The following MACF1 variants were observed in gnomAD, a reference collection of about 807,000 sequenced individuals.
MACF1 encodes microtubule actin crosslinking factor 1, also known as microtubule-actin cross-linking factor 1.
MACF1 carries 193 observed loss-of-function variants against 854.8 expected under a neutral mutation model. That is an observed-to-expected ratio of 0.23 (90% confidence interval 0.20 to 0.25). MACF1 has a LOEUF of 0.25. Ranked by LOEUF, MACF1 falls within the 10% of genes least tolerant of loss-of-function variation. The pLI, the probability that MACF1 is intolerant of heterozygous loss-of-function variation, is 1.00. For synonymous variants in MACF1, 3,185 were observed against 3,226.7 expected (o/e 0.99, Z 0.44); for missense variants, 7,722 against 8,929.1 (o/e 0.86, Z 5.45).
At chr1:39,476,325 C>G (rs12023494) in intron 97 of MACF1, among the ~76,000 whole-genome samples, 5,766 of 152,240 alleles carry the variant, frequency 0.038, 424 homozygotes, top group East Asian at 0.34. Context: ...AATCCCAGCA[C>G]TTTGGGAGGC....
Position 39,332,265 on chromosome 1 carries a change from G to A in MACF1, c.5677G>A (p.Ala1893Thr). The A allele has an allele frequency of 6.2e-7, 1 of 1,613,846 alleles. No homozygotes were observed. The highest frequency in any genetic ancestry group is 8.5e-7 in the Non-Finnish European group (1 of 1,180,016). ...RQHIKALFLP[A>T]TTEILSWKKA... ...GCATATTAAGGCTCTGTTTCTACCA[G>A]CAACCACAGAGATTTTGTCCTGGAA... The change falls in exon 37 of 101, where the codon GCA becomes ACA. Residue 1893 changes from alanine (A) to threonine (T), a missense_variant. Ala to Thr is a moderately conservative substitution (Grantham distance 58). Around this residue, in one of 15 missense-constraint regions of MACF1, gnomAD observed 1,531 missense variants for 1,601.6 expected, o/e 0.96. Transcript: ENST00000564288.
At chr1:39,229,365 T>A (rs1644753668) in intron 1 of MACF1, among the ~76,000 whole-genome samples, 3 of 152,072 alleles carry the variant, frequency 2.0e-5, no homozygotes, top group Admixed American at 6.5e-5. Flanking sequence ...TCAAAAAAAA[T>A]AAATAGATAA....
chr1:39,141,957 G>C (rs1245167530), intron 2 of MACF1, among the ~76,000 whole-genome samples: 1 of 152,166 alleles, frequency 6.6e-6, no homozygotes, highest in Non-Finnish European at 1.5e-5. Flanking sequence ...AGGTGCCTGT[G>C]CTCTCTGTTT....
intron 15 of MACF1, among the ~76,000 whole-genome samples, chr1:39,288,543 T>G (rs1299184124): frequency 6.6e-6 from 1 of 150,850 alleles, no homozygotes; most frequent in Non-Finnish European, 1.5e-5. Context: ...CTCACACCTG[T>G]AATCCTAGCA....
rs191110204 is a variant in MACF1, at chr1:39,407,614, G to C, written c.15817-14760G>C. Among the ~76,000 whole-genome samples, 52 of 152,298 alleles carry C rather than the reference G, an allele frequency of 3.4e-4. 1 individual carries two copies. The highest frequency in any genetic ancestry group is 1.2e-3 in the African/African-American group (50 of 41,564). ...AAATGAAGTGTAAAGCATTTTACCA[G>C]AGAAAGGTCTTTTAGTTGCCTAATT... is the stretch of plus-strand genomic sequence containing the variant. On this transcript the variant is annotated intron_variant, in intron 58 of 100. Coordinates refer to ENST00000564288, the MANE Select transcript of MACF1 (RefSeq NM_001394062.1).
chr1:39,123,392 G>C (rs948680992), intron 2 of MACF1, among the ~76,000 whole-genome samples: 1 of 151,368 alleles, frequency 6.6e-6, no homozygotes, highest in African/African-American at 2.4e-5. Context: ...ATTTTTAGTG[G>C]AGATGGGGTT....
chr1:39,387,069 G>A (rs1299814035), intron 57 of MACF1, 118 bp from the exon 58 acceptor site: 1 of 1,092,582 alleles, frequency 9.2e-7, no homozygotes, highest in East Asian at 2.4e-5. Context: ...CCTCTTTTTG[G>A]TAGGCCCTCA....
intron 2 of MACF1, among the ~76,000 whole-genome samples, chr1:39,166,970 T>C (rs1265829070): frequency 6.6e-6 from 1 of 151,856 alleles, no homozygotes; most frequent in African/African-American, 2.4e-5. Context: ...GGATGTTAAA[T>C]CTTTCTTTTT....
chr1:39,483,759 A>G (rs538682106), intron 99 of MACF1, among the ~76,000 whole-genome samples: 2 of 152,306 alleles, frequency 1.3e-5, no homozygotes, highest in African/African-American at 2.4e-5. Flanking sequence ...TGTGCTTCTC[A>G]TAGTTTATTT....
At chr1:39,112,174 C>T (rs1020985859) in intron 2 of MACF1, among the ~76,000 whole-genome samples, 2 of 151,366 alleles carry the variant, frequency 1.3e-5, no homozygotes, top group African/African-American at 4.9e-5. Flanking sequence ...GCAACCTCCA[C>T]CCCCTGGGTT....
At chr1:39,164,104 C>G (rs1010276855) in intron 2 of MACF1, among the ~76,000 whole-genome samples, 2 of 152,094 alleles carry the variant, frequency 1.3e-5, no homozygotes, top group Non-Finnish European at 2.9e-5. Context: ...TTATGGAATT[C>G]CATCAAATGG....
chr1:39,086,819 G>C (rs1232773749), intron 2 of MACF1, among the ~76,000 whole-genome samples: 1 of 152,190 alleles, frequency 6.6e-6, no homozygotes, highest in Non-Finnish European at 1.5e-5. Flanking sequence ...GCTGCGCTGT[G>C]CTGTGTTTCT....
chr1:39,309,677 A>G lies in MACF1; in HGVS notation c.2897A>G (p.Gln966Arg). The change falls in exon 24 of 101, where the codon CAG (glutamine) becomes CGG (arginine). Residue 966 changes from glutamine to arginine, a missense_variant. By Grantham distance (43) the Gln-to-Arg change is conservative. Around this residue, in one of 15 missense-constraint regions of MACF1, gnomAD observed 1,137 missense variants for 1,263.0 expected, o/e 0.90. Transcript: ENST00000564288. ...NYLRKDLDLV[Q>R]TWNLEKLRSS... ...CTGCGTAAAGACCTTGACCTTGTAC[A>G]GACCTGGAACCTAGAAAAGGTAATT... 6.2e-7 allele frequency: 1 copy of G among 1,613,590 alleles called. No homozygotes were observed. The highest frequency in any genetic ancestry group is 8.5e-7 in the Non-Finnish European group (1 of 1,179,814).
chr1:39,484,843 A>G, intron 100 of MACF1, 113 bp downstream of exon 100: 1 of 1,247,986 alleles, frequency 8.0e-7, no homozygotes, highest in Middle Eastern at 2.0e-4. Flanking sequence ...ACTTAGTGTG[A>G]TGCCCAGAAA....
At chr1:39,468,806 C>A in intron 96 of MACF1, 74 bp downstream of exon 96, 1 of 1,303,174 alleles carries the variant, frequency 7.7e-7, no homozygotes, top group Non-Finnish European at 1.1e-6. Flanking sequence ...TTACAGGAAG[C>A]ATTGATGGTG....
rs759439454 is a variant in MACF1, at chr1:39,336,462, A to T, written c.9874A>T (p.Ile3292Phe). The T allele has an allele frequency of 6.2e-7, 1 of 1,614,094 alleles. No individual in the cohort carries two copies. The highest frequency in any genetic ancestry group is 8.5e-7 in the Non-Finnish European group (1 of 1,180,022). ...GAATACAGGGCAACAGAATGCCATCATTAGTCCTACTGTTCTAGAGACCAG... is the reference window on the plus strand; with the variant it reads ...GAATACAGGGCAACAGAATGCCATCTTTAGTCCTACTGTTCTAGAGACCAG... ...KENTGQQNAI[I>F]SPTVLETSEE... The change falls in exon 37 of 101, where the codon ATT (isoleucine) becomes TTT (phenylalanine). Residue 3292 changes from isoleucine (I) to phenylalanine (F), a missense_variant. Physicochemically the swap from Ile to Phe is conservative, Grantham distance 21. This residue lies in a region of MACF1 where 854 missense variants were observed against 852.6 expected (regional missense o/e 1.00). Transcript: ENST00000564288.
At chr1:39,252,140 A>C (rs1645046852) in intron 4 of MACF1, among the ~76,000 whole-genome samples, 199 bp downstream of exon 4, 1 of 152,168 alleles carries the variant, frequency 6.6e-6, no homozygotes. Flanking sequence ...ATGGACTGGG[A>C]ATTGTTTTTC....
intron 27 of MACF1, 65 bp from the exon 28 acceptor site, chr1:39,316,326 C>G: frequency 1.0e-5 from 14 of 1,398,276 alleles, no homozygotes; most frequent in Non-Finnish European, 1.3e-5. Flanking sequence ...TATAGCACTC[C>G]AGGTATATAA....
chr1:39,465,215 C>G lies in MACF1; in HGVS notation c.21771+103C>G, dbSNP rs980796761. On this transcript the variant is annotated intron_variant, in intron 95 of 100. Coordinates refer to ENST00000564288, the MANE Select transcript of MACF1 (RefSeq NM_001394062.1). ...GGAGAGGATGTAATCTGAAGCATGC[C>G]TGGGTCGCACCTGGTTGTCTTACCA... The G allele has an allele frequency of 4.2e-6, 5 of 1,188,340 alleles. No individual in the cohort carries two copies. In the African/African-American group the frequency reaches 7.5e-5, roughly 18 times the overall value. The allele number at this position is 1,188,340 out of a possible 1,614,324, so 73.6% of individuals were successfully genotyped here. A position where few individuals can be genotyped will look rare whatever the true frequency, so the allele number is the denominator to read the frequency against.
Sources: gnomAD v4.1 joint callset for allele counts (sites outside exome capture counted in the v4.1 genomes callset) on GRCh38, gnomAD v4.1.1 for gene constraint, gnomAD v4.1.1 regional missense constraint, MANE v1.5 for transcripts, NCBI Gene and HGNC (gene_info 2026-07-23, HGNC 2026-07-21) for gene names.